MEGF11: variants seen among roughly 807,000 people sequenced by gnomAD.
The protein encoded by MEGF11 is multiple EGF like domains 11.
MEGF11 carries 126 observed loss-of-function variants against 146.6 expected under a neutral mutation model. That is an observed-to-expected ratio of 0.86 (90% CI 0.74 to 1.00). MEGF11 has a LOEUF of 1.00. Ranked by LOEUF, MEGF11 falls within the 50% of genes least tolerant of loss-of-function variation. MEGF11 has a pLI of 0.00. For missense variants in MEGF11, 1,509 were observed against 1,521.2 expected (o/e 0.99, Z 0.13); for synonymous variants, 532 against 583.4 (o/e 0.91, Z 1.27).
Position 66,119,639 on chromosome 15 carries a change from C to T in MEGF11, c.201-453G>A, listed in dbSNP as rs74021622. Among the ~76,000 whole-genome samples, 568 of 152,234 alleles carry T rather than the reference C, an allele frequency of 3.7e-3. 4 individuals are homozygous for T. Among genetic ancestry groups the T allele is most frequent in the African/African-American group, 0.013 (545 of 41,526 alleles). ...ACAGCCCCCTGAGTATTGGTCCCCCCACTTGAAGAACTGAGGCAGAGTCAG... is the reference window on the plus strand; with the variant it reads ...ACAGCCCCCTGAGTATTGGTCCCCCTACTTGAAGAACTGAGGCAGAGTCAG... On this transcript the variant is annotated intron_variant, in intron 3 of 25. Transcript: ENST00000395614.
chr15:66,242,461 T>C (rs1597171878), intron 1 of MEGF11, among the ~76,000 whole-genome samples: 1 of 88,812 alleles, frequency 1.1e-5, no homozygotes, highest in South Asian at 3.9e-4. Context: ...GAAGGACAGA[T>C]GGAAAGAAAG....
At chr15:66,001,275 A>G (rs963185351) in intron 5 of MEGF11, among the ~76,000 whole-genome samples, 1 of 152,174 alleles carries the variant, frequency 6.6e-6, no homozygotes, top group African/African-American at 2.4e-5. Flanking sequence ...TATGCAGTGC[A>G]CAACCTGAAC....
At position 65,898,947 on chromosome 15, in the gene MEGF11, A is replaced by C. The variant is rs1234720240; in HGVS notation, c.3056-13T>G. 1 of 1,613,258 alleles carries C rather than the reference A, an allele frequency of 6.2e-7. No individual in the cohort carries two copies. The highest frequency in any genetic ancestry group is 8.5e-7 in the Non-Finnish European group (1 of 1,179,296). On this transcript the variant is annotated splice_polypyrimidine_tract_variant and intron_variant, in intron 24 of 25. Transcript: ENST00000395614. ...TCTTTCATGTAATCTGCAAGGCAAGAGACATTTCTTAGGACAAGCAAGAAT... is the reference window on the plus strand; with the variant it reads ...TCTTTCATGTAATCTGCAAGGCAAGCGACATTTCTTAGGACAAGCAAGAAT...
intron 20 of MEGF11, among the ~76,000 whole-genome samples, chr15:65,913,322 G>A (rs1419924054): frequency 2.0e-5 from 3 of 152,174 alleles, no homozygotes; most frequent in Non-Finnish European, 4.4e-5. Context: ...GTCCTGAGGC[G>A]TTCACCAGGG....
chr15:65,902,174 C>A (rs541096451), intron 24 of MEGF11: 1 of 152,334 alleles, frequency 6.6e-6, no homozygotes, highest in Non-Finnish European at 1.5e-5. Context: ...CCTTGAAGTT[C>A]AATGCCTAAA....
chr15:66,121,892 C>T (rs962260824), intron 3 of MEGF11, among the ~76,000 whole-genome samples: 1 of 152,180 alleles, frequency 6.6e-6, no homozygotes, highest in African/African-American at 2.4e-5. Context: ...TTAATATTCT[C>T]TGGAGGAACA....
intron 5 of MEGF11, among the ~76,000 whole-genome samples, chr15:66,008,428 C>A (rs1274677971): frequency 9.7e-6 from 1 of 103,144 alleles, no homozygotes; most frequent in African/African-American, 3.0e-5. Flanking sequence ...CACACACACA[C>A]ACACACACAC....
At chr15:65,901,737 A>T (rs939138226) in intron 24 of MEGF11, 1 of 152,140 alleles carries the variant, frequency 6.6e-6, no homozygotes, top group African/African-American at 2.4e-5. Context: ...CCTCAACTGC[A>T]TATTTTCTAA....
chr15:65,912,236 C>A (rs563040685), intron 20 of MEGF11, 36 bp from the exon 21 acceptor site: 1 of 1,184,548 alleles, frequency 8.4e-7, no homozygotes, highest in African/African-American at 1.6e-5. Context: ...ACCATCATAC[C>A]CCTGCCCCTG....
At chr15:65,930,798 G>A in intron 11 of MEGF11, 25 bp downstream of exon 11, 1 of 1,579,726 alleles carries the variant, frequency 6.3e-7, no homozygotes, top group Non-Finnish European at 8.6e-7. Flanking sequence ...TGTCAGGGAT[G>A]GGCTTGGGAG....
intron 4 of MEGF11, among the ~76,000 whole-genome samples, chr15:66,104,673 GGT>G (rs2086980856): frequency 6.6e-6 from 1 of 152,168 alleles, no homozygotes; most frequent in Non-Finnish European, 1.5e-5. Context: ...AGAGCTGATA[GGT>G]CTTCTTACAT....
At chr15:65,965,588 C>CT (rs2081043954) in intron 8 of MEGF11, among the ~76,000 whole-genome samples, 1 of 14,532 alleles carries the variant, frequency 6.9e-5, no homozygotes, top group African/African-American at 1.3e-4. Context: ...TTCTTTCTTT[C>CT]TTTCTTTCTT....
In MEGF11 at chr15:65,898,060, AC is replaced by A; in HGVS notation, c.3296del (p.Gly1099ValfsTer28). On this transcript the variant is annotated frameshift_variant, in exon 26 of 26. Coordinates refer to ENST00000395614, the MANE Select transcript of MEGF11 (RefSeq NM_001385028.1). LOFTEE classifies it high-confidence loss of function. The stretch of plus-strand genomic sequence containing the variant: ...CATTCTGGATATAGCTGGAGTTATG[AC>A]CGCAACCTTCTTGGACCACACTGAC... ...PTVSVVQEGC[G>X]HNSSYIQNAY... is the part of the protein sequence containing the mutation. 6 of 1,613,860 alleles carry A rather than the reference AC, an allele frequency of 3.7e-6. No homozygotes were observed. Among genetic ancestry groups the A allele is most frequent in the Non-Finnish European group, 4.2e-6 (5 of 1,179,846 alleles).
chr15:66,199,493 C>T (rs2091096606), intron 1 of MEGF11, among the ~76,000 whole-genome samples: 1 of 152,194 alleles, frequency 6.6e-6, no homozygotes. Context: ...TCAACTGGGC[C>T]AGGACCCTGC....
At position 65,916,484 on chromosome 15, in the gene MEGF11, C is replaced by T. The variant is rs1479140945; in HGVS notation, c.2216-208G>A. 6 of 701,592 alleles carry T rather than the reference C, an allele frequency of 8.6e-6. No homozygotes were observed. The Admixed American group carries it at 1.7e-4, about 20-fold the overall frequency. The allele number at this position is 701,592 out of a possible 1,614,324, so 43.5% of individuals were successfully genotyped here. ...TCGTTGCCTTTCCAAGACAGAGGGG[C>T]CTTGGAACCACAGGTCAGGCTAGGG... On this transcript the variant is annotated intron_variant, in intron 17 of 25. Transcript: ENST00000395614.
chr15:66,126,244 C>T (rs1177905963), intron 2 of MEGF11, among the ~76,000 whole-genome samples: 2 of 152,182 alleles, frequency 1.3e-5, no homozygotes, highest in Non-Finnish European at 2.9e-5. Context: ...CTAGATCCCT[C>T]CACATATAAC....
At chr15:65,916,649 G>A in intron 17 of MEGF11, 179 bp downstream of exon 17, 1 of 1,123,562 alleles carries the variant, frequency 8.9e-7, no homozygotes, top group South Asian at 1.3e-5. Context: ...CCTGAATCCA[G>A]TCAGGTCTGG....
At chr15:66,108,529 G>A (rs1248907131) in intron 4 of MEGF11, among the ~76,000 whole-genome samples, 16 of 152,226 alleles carry the variant, frequency 1.1e-4, no homozygotes, top group African/African-American at 3.4e-4. Flanking sequence ...ATGTCAGGGA[G>A]GAGGCCGCCA....
At chr15:65,934,787 C>T (rs1225854920) in intron 10 of MEGF11, among the ~76,000 whole-genome samples, 1 of 152,180 alleles carries the variant, frequency 6.6e-6, no homozygotes, top group Non-Finnish European at 1.5e-5. Context: ...GTTTGGAAAG[C>T]TTCTGGAGAT....
Sources: gnomAD v4.1 joint callset for allele counts (sites outside exome capture counted in the v4.1 genomes callset) on GRCh38, gnomAD v4.1.1 for gene constraint, MANE v1.5 for transcripts, NCBI Gene and HGNC (gene_info 2026-07-23, HGNC 2026-07-21) for gene names.